The following BCL2L14 variants were observed in gnomAD, a reference collection of about 807,000 sequenced individuals.
BCL2L14 encodes apoptosis facilitator Bcl-2-like protein 14.
BCL2L14 carries 27 observed loss-of-function variants against 35.3 expected under a neutral mutation model. The ratio of observed to expected loss-of-function variants is 0.76; its 90% confidence interval spans 0.56 to 1.05. The LOEUF (loss-of-function observed/expected upper bound fraction) is 1.05, where lower values mean the gene tolerates loss of function less well. Ranked by LOEUF, BCL2L14 falls within the 50% of genes least tolerant of loss-of-function variation. The pLI, the probability that BCL2L14 is intolerant of heterozygous loss-of-function variation, is 0.00. For missense variants in BCL2L14, 377 were observed against 382.6 expected (o/e 0.99, Z 0.12); for synonymous variants, 139 against 145.9 (o/e 0.95, Z 0.34).
intron 1 of BCL2L14, among the ~76,000 whole-genome samples, chr12:12,076,751 C>T (rs1413561425): frequency 6.6e-6 from 1 of 152,160 alleles, no homozygotes; most frequent in East Asian, 1.9e-4. Context: ...TCAACAGCTT[C>T]GCTATCAGCC....
intron 2 of BCL2L14, among the ~76,000 whole-genome samples, chr12:12,057,755 T>TTAAAAAAAAAA (rs1948453725): frequency 8.3e-6 from 1 of 120,340 alleles, no homozygotes. Context: ...AAAACTCCAT[T>TTAAAAAAAAAA]AAAAAAAAAA....
intron 5 of BCL2L14, chr12:12,096,071 G>C (rs1178299373): frequency 1.0e-6 from 1 of 985,082 alleles, no homozygotes; most frequent in African/African-American, 1.7e-5. Context: ...GCCCTCATCT[G>C]CCCCAAAGCC....
At chr12:12,065,988 G>A (rs1321449147), upstream of BCL2L14, among the ~76,000 whole-genome samples, 1 of 152,052 alleles carries the variant, frequency 6.6e-6, no homozygotes, top group Admixed American at 6.5e-5. Flanking sequence ...ATGGGGTTTC[G>A]CCATGATGAC....
chr12:12,070,031 A>G (rs571091029), upstream of BCL2L14, among the ~76,000 whole-genome samples: 1 of 152,274 alleles, frequency 6.6e-6, no homozygotes, highest in South Asian at 2.1e-4. Context: ...ATGGCCATAT[A>G]TATCTATTTC....
chr12:12,072,398 C>T (rs1948686541), intron 1 of BCL2L14: 2 of 152,326 alleles, frequency 1.3e-5, no homozygotes, highest in Middle Eastern at 3.1e-3. Context: ...CCAGAGGACA[C>T]GCTGGGGCCA....
chr12:12,060,527 A>G (rs1367972155), intron 2 of BCL2L14, among the ~76,000 whole-genome samples: 1 of 101,218 alleles, frequency 9.9e-6, no homozygotes, highest in African/African-American at 3.7e-5. Context: ...AAGGTGTACA[A>G]TAATAGAAAA....
At chr12:12,068,641 C>T (rs1245762848), upstream of BCL2L14, among the ~76,000 whole-genome samples, 1 of 150,404 alleles carries the variant, frequency 6.6e-6, no homozygotes, top group African/African-American at 2.5e-5. Context: ...GCACTACATG[C>T]GTGAGTCATG....
chr12:12,083,093 T>C (rs1948963358), intron 2 of BCL2L14, among the ~76,000 whole-genome samples: 1 of 151,956 alleles, frequency 6.6e-6, no homozygotes, highest in Admixed American at 6.6e-5. Flanking sequence ...GCCTCCCGAG[T>C]AGCTGGGACT....
chr12:12,066,909 G>T (rs188186270), upstream of BCL2L14, among the ~76,000 whole-genome samples: 70 of 151,920 alleles, frequency 4.6e-4, 1 homozygote, highest in East Asian at 0.013. Flanking sequence ...ACGGGGTTTC[G>T]CTGTGTTAGC....
chr12:12,099,390 T>C lies in BCL2L14; in HGVS notation c.*402T>C, dbSNP rs1287134727. On this transcript the variant is annotated 3_prime_UTR_variant, in exon 6 of 6. Coordinates refer to ENST00000308721, the MANE Select transcript of BCL2L14 (RefSeq NM_138723.2). ...GTGTTTCCACTTCCGTTTCTAGTAC[T>C]ATTTATTTTTAAACTACACTTGGGG... 1 of 178,642 alleles carries C rather than the reference T, an allele frequency of 5.6e-6. No homozygotes were observed. Among genetic ancestry groups the C allele is most frequent in the African/African-American group, 2.4e-5 (1 of 41,882 alleles). The allele number at this position is 178,642 out of a possible 1,614,324, so 11.1% of individuals were successfully genotyped here.
intron 1 of BCL2L14, among the ~76,000 whole-genome samples, chr12:12,076,036 A>C (rs1948773163): frequency 6.7e-6 from 1 of 150,196 alleles, no homozygotes. Flanking sequence ...AGCTGGGGTG[A>C]GTATAGGGTC....
chr12:12,069,267 T>A (rs756428873), upstream of BCL2L14, among the ~76,000 whole-genome samples: 33 of 152,132 alleles, frequency 2.2e-4, no homozygotes, highest in Non-Finnish European at 4.6e-4. Flanking sequence ...CTTCAAGTGA[T>A]CCTCCTGGCT....
chr12:12,056,523 G>A (rs552109024), intron 2 of BCL2L14, among the ~76,000 whole-genome samples: 1 of 152,276 alleles, frequency 6.6e-6, no homozygotes, highest in Non-Finnish European at 1.5e-5. Context: ...AAATAACTGA[G>A]CCATTGATTA....
At chr12:12,062,473 G>A (rs1321053748) in intron 2 of BCL2L14, among the ~76,000 whole-genome samples, 4 of 150,656 alleles carry the variant, frequency 2.7e-5, no homozygotes, top group South Asian at 2.1e-4. Context: ...CCTTTCCATC[G>A]TGGAAATCTA....
chr12:12,097,614 C>T (rs901039438), intron 5 of BCL2L14, among the ~76,000 whole-genome samples: 1 of 152,096 alleles, frequency 6.6e-6, no homozygotes, highest in Admixed American at 6.6e-5. Context: ...GCGATGTTTG[C>T]ATAACTCTGT....
intron 2 of BCL2L14, among the ~76,000 whole-genome samples, chr12:12,056,785 G>C (rs1158423819): frequency 1.3e-5 from 2 of 152,084 alleles, no homozygotes; most frequent in Non-Finnish European, 2.9e-5. Flanking sequence ...GCAGTGAGCC[G>C]AGATTGCGCC....
intron 2 of BCL2L14, among the ~76,000 whole-genome samples, chr12:12,058,344 G>A (rs548845454): frequency 1.2e-3 from 187 of 151,642 alleles, no homozygotes; most frequent in African/African-American, 4.2e-3. Flanking sequence ...TCCGCTTCCC[G>A]GGTTCAAGCG....
chr12:12,054,050 G>A (rs1387664137), intron 2 of BCL2L14, among the ~76,000 whole-genome samples: 1 of 152,054 alleles, frequency 6.6e-6, no homozygotes, highest in Non-Finnish European at 1.5e-5. Flanking sequence ...TGACAGTTAT[G>A]GGGGCCCTGA....
At chr12:12,059,441 T>C (rs963978582) in intron 2 of BCL2L14, among the ~76,000 whole-genome samples, 4 of 151,712 alleles carry the variant, frequency 2.6e-5, no homozygotes, top group African/African-American at 9.7e-5. Flanking sequence ...TGACCTCATA[T>C]CTCTGTGCCC....
Sources: allele counts gnomAD v4.1 joint callset (sites outside exome capture counted in the v4.1 genomes callset), GRCh38; gene constraint gnomAD v4.1.1; transcripts MANE v1.5; gene names NCBI Gene and HGNC (gene_info 2026-07-23, HGNC 2026-07-21).